Variants in HCN1 observed in about 807,000 individuals in gnomAD.
HCN1 encodes hyperpolarization activated cyclic nucleotide gated potassium channel 1, also known as potassium/sodium hyperpolarization-activated cyclic nucleotide-gated channel 1.
Under a neutral mutation model 78.9 loss-of-function variants are expected in HCN1, and 13 were observed. The observed-to-expected ratio is 0.16, with a 90% CI of 0.11 to 0.26. HCN1 has a LOEUF of 0.26. HCN1 is among the 10% of genes least tolerant of loss of function. The pLI, the probability that HCN1 is intolerant of heterozygous loss-of-function variation, is 1.00. For synonymous variants in HCN1, 552 were observed against 455.5 expected (o/e 1.21, Z -2.70); for missense variants, 810 against 1,154.3 (o/e 0.70, Z 4.32).
intron 2 of HCN1, among the ~76,000 whole-genome samples, chr5:45,504,168 G>T (rs982672411): frequency 6.6e-6 from 1 of 152,014 alleles, no homozygotes. Flanking sequence ...TGTTACATAT[G>T]TATACATGTG....
chr5:45,453,267 G>T (rs1349488623), intron 3 of HCN1, among the ~76,000 whole-genome samples: 1 of 152,056 alleles, frequency 6.6e-6, no homozygotes, highest in African/African-American at 2.4e-5. Flanking sequence ...CTATTAGTCT[G>T]CTATTCCACT....
At chr5:45,345,629 A>G (rs1363433589) in intron 5 of HCN1, among the ~76,000 whole-genome samples, 1 of 152,200 alleles carries the variant, frequency 6.6e-6, no homozygotes, top group African/African-American at 2.4e-5. Flanking sequence ...AACAAGAGTC[A>G]CCTTTGCTCC....
At chr5:45,576,662 T>C (rs1743953431) in intron 2 of HCN1, 1 of 152,148 alleles carries the variant, frequency 6.6e-6, no homozygotes, top group African/African-American at 2.4e-5. Flanking sequence ...AATTAAAGTA[T>C]GTATATTTTG....
chr5:45,397,564 G>A (rs1260413006), intron 3 of HCN1, among the ~76,000 whole-genome samples: 3 of 151,622 alleles, frequency 2.0e-5, no homozygotes, highest in Admixed American at 1.3e-4. Flanking sequence ...CCTAATTCAA[G>A]TATTACACAA....
intron 1 of HCN1, among the ~76,000 whole-genome samples, chr5:45,656,573 G>C (rs1373821647): frequency 2.0e-5 from 3 of 152,184 alleles, no homozygotes; most frequent in Non-Finnish European, 4.4e-5. Context: ...AAGTTAAAAG[G>C]TCTAGTGGCA....
At chr5:45,504,982 T>C in intron 2 of HCN1, among the ~76,000 whole-genome samples, 1 of 152,168 alleles carries the variant, frequency 6.6e-6, no homozygotes, top group Non-Finnish European at 1.5e-5. Context: ...TTGAGTTCAT[T>C]GTAGATTCTG....
chr5:45,558,017 A>G (rs1743510759), intron 2 of HCN1: 1 of 152,128 alleles, frequency 6.6e-6, no homozygotes, highest in Admixed American at 6.6e-5. Context: ...GCATATTGAA[A>G]GCAAAAACAG....
intron 2 of HCN1, among the ~76,000 whole-genome samples, chr5:45,583,733 T>G (rs1232961359): frequency 6.6e-6 from 1 of 152,202 alleles, no homozygotes; most frequent in African/African-American, 2.4e-5. Flanking sequence ...GTGTCTTTGT[T>G]CTCGTTGGTT....
chr5:45,305,774 AAAGGAAGG>A (rs58352441), intron 5 of HCN1, among the ~76,000 whole-genome samples: 3 of 147,808 alleles, frequency 2.0e-5, no homozygotes, highest in Admixed American at 6.8e-5. Flanking sequence ...AGGGAGGAAG[AAAGGAAGG>A]AAGGAAGGAA....
intron 3 of HCN1, among the ~76,000 whole-genome samples, chr5:45,402,024 G>A (rs778156724): frequency 6.6e-6 from 1 of 152,088 alleles, no homozygotes; most frequent in African/African-American, 2.4e-5. Flanking sequence ...GAAGTTTGAT[G>A]GGGAGTAGGA....
chr5:45,535,481 C>A (rs1333460336), intron 2 of HCN1, among the ~76,000 whole-genome samples: 1 of 151,918 alleles, frequency 6.6e-6, no homozygotes, highest in Non-Finnish European at 1.5e-5. Flanking sequence ...ACCTGTAATC[C>A]CAGCTACTTG....
intron 2 of HCN1, among the ~76,000 whole-genome samples, chr5:45,561,478 AC>A (rs1743601618): frequency 6.6e-6 from 1 of 152,108 alleles, no homozygotes; most frequent in Non-Finnish European, 1.5e-5. Context: ...TGTAAATCAG[AC>A]TTTTAGTGGG....
intron 2 of HCN1, among the ~76,000 whole-genome samples, chr5:45,568,926 T>A (rs569523381): frequency 6.6e-6 from 1 of 152,190 alleles, no homozygotes; most frequent in Admixed American, 6.6e-5. Flanking sequence ...TCTCCTGAAC[T>A]AAGGCTCAGA....
intron 4 of HCN1, among the ~76,000 whole-genome samples, chr5:45,373,906 T>G (rs928350757): frequency 7.4e-6 from 1 of 135,318 alleles, no homozygotes; most frequent in Non-Finnish European, 1.5e-5. Flanking sequence ...CTATAATATA[T>G]TACATACGGT....
intron 2 of HCN1, among the ~76,000 whole-genome samples, chr5:45,528,886 G>T (rs563204881): frequency 6.6e-6 from 1 of 151,878 alleles, no homozygotes; most frequent in South Asian, 2.1e-4. Flanking sequence ...AAGATCACAG[G>T]CATGATTAGG....
chr5:45,271,330 A>G (rs1744954845), intron 6 of HCN1, among the ~76,000 whole-genome samples: 1 of 150,388 alleles, frequency 6.6e-6, no homozygotes, highest in South Asian at 2.1e-4. Context: ...TGTCTACAGC[A>G]GTAATGTCTG....
intron 1 of HCN1, among the ~76,000 whole-genome samples, chr5:45,680,091 C>A (rs1739676400): frequency 6.6e-6 from 1 of 152,048 alleles, no homozygotes; most frequent in Non-Finnish European, 1.5e-5. Flanking sequence ...TTTGTTGATA[C>A]AGAAGGAATA....
intron 2 of HCN1, among the ~76,000 whole-genome samples, chr5:45,505,103 T>A (rs1488059753): frequency 1.3e-5 from 2 of 152,228 alleles, no homozygotes; most frequent in Non-Finnish European, 2.9e-5. Flanking sequence ...TCTTTAGTTT[T>A]AATTAGATTC....
At chr5:45,480,609 C>G (rs1741629195) in intron 2 of HCN1, among the ~76,000 whole-genome samples, 1 of 152,088 alleles carries the variant, frequency 6.6e-6, no homozygotes, top group African/African-American at 2.4e-5. Flanking sequence ...TATCTTAACT[C>G]ATGAACAATG....
Sources: allele counts gnomAD v4.1 joint callset (sites outside exome capture counted in the v4.1 genomes callset), GRCh38; gene constraint gnomAD v4.1.1; transcripts MANE v1.5; gene names NCBI Gene and HGNC (gene_info 2026-07-23, HGNC 2026-07-21).